PTPRA: variants seen among roughly 807,000 people sequenced by gnomAD.
PTPRA encodes receptor-type tyrosine-protein phosphatase alpha.
PTPRA carries 25 observed loss-of-function variants against 104.8 expected under a neutral mutation model. That is an observed-to-expected ratio of 0.24 (90% CI 0.17 to 0.33). The LOEUF (loss-of-function observed/expected upper bound fraction) is 0.33, where lower values mean the gene tolerates loss of function less well. Among genes scored for constraint, PTPRA ranks in the 10% least tolerant of loss-of-function variants. PTPRA has a pLI of 1.00. For synonymous variants in PTPRA, 323 were observed against 368.9 expected (o/e 0.88, Z 1.43); for missense variants, 765 against 1,015.3 (o/e 0.75, Z 3.35).
At chr20:3,016,579 C>T (rs1464526245) in intron 12 of PTPRA, among the ~76,000 whole-genome samples, 3 of 152,188 alleles carry the variant, frequency 2.0e-5, no homozygotes, top group Non-Finnish European at 4.4e-5. Flanking sequence ...GAAACCCCGT[C>T]TCTACTAAAA....
At chr20:3,030,430 C>G (rs2148489175) in intron 20 of PTPRA, among the ~76,000 whole-genome samples, 1 of 152,254 alleles carries the variant, frequency 6.6e-6, no homozygotes, top group East Asian at 1.9e-4. Context: ...ATGTTCTTTA[C>G]AAGGCCTCAC....
chr20:2,896,876 G>C (rs1229934090), intron 1 of PTPRA, among the ~76,000 whole-genome samples: 1 of 152,190 alleles, frequency 6.6e-6, no homozygotes, highest in Non-Finnish European at 1.5e-5. Context: ...TGTCATGTCT[G>C]TTCAGTCTCT....
intron 1 of PTPRA, among the ~76,000 whole-genome samples, chr20:2,879,064 G>A (rs902644587): frequency 1.3e-5 from 2 of 152,208 alleles, no homozygotes; most frequent in African/African-American, 4.8e-5. Context: ...TAGATGTGAT[G>A]TCTGTCCTCA....
At position 3,035,864 on chromosome 20, in the gene PTPRA, G is replaced by A. The variant is rs777257290; in HGVS notation, c.2121G>A (p.Lys707=). Residue 707 remains lysine (K), a synonymous_variant, in exon 22 of 24, where the codon AAG becomes AAA. Transcript: ENST00000399903. This position sits in a 1 kb window ranked among gnomAD's most constrained non-coding sequence, Gnocchi z 5.8. ...WPEVGIPSDG[K]GMISIIAAVQ... ...AAGTGGGCATCCCCAGTGACGGAAAGGGCATGATCAGCATCATCGCCGCCG... is the reference window on the plus strand; with the variant it reads ...AAGTGGGCATCCCCAGTGACGGAAAAGGCATGATCAGCATCATCGCCGCCG... 4.3e-6 allele frequency: 7 copies of A among 1,614,182 alleles called. No homozygotes were observed. Among genetic ancestry groups the A allele is most frequent in the Non-Finnish European group, 5.9e-6 (7 of 1,180,052 alleles).
At chr20:2,914,407 A>G (rs1003189697) in intron 1 of PTPRA, among the ~76,000 whole-genome samples, 7 of 151,856 alleles carry the variant, frequency 4.6e-5, no homozygotes, top group African/African-American at 1.7e-4. Flanking sequence ...ACACAAACAT[A>G]CATCCACACA....
rs564722567 is a variant in PTPRA, at chr20:3,035,474, G to T, written c.1921-111G>T. 1.0e-5 allele frequency: 13 copies of T among 1,263,586 alleles called. No homozygotes were observed. The highest frequency in any genetic ancestry group is 4.5e-5 in the African/African-American group (3 of 66,868). 78.3% of individuals were successfully genotyped at this position (1,263,586 alleles called of 1,614,324 possible). A position where few individuals can be genotyped will look rare whatever the true frequency, so the allele number is the denominator to read the frequency against. On this transcript the variant is annotated intron_variant, in intron 20 of 23. Coordinates refer to ENST00000399903, the MANE Select transcript of PTPRA (RefSeq NM_001385305.1). This position sits in a 1 kb window ranked among gnomAD's most constrained non-coding sequence, Gnocchi z 5.8. ...GTTTTCAATACCTTGGGGACGAAGCGTATCAGCGTAAGAGGTGGCTGTACT... is the reference window on the plus strand; with the variant it reads ...GTTTTCAATACCTTGGGGACGAAGCTTATCAGCGTAAGAGGTGGCTGTACT...
At chr20:2,941,560 A>G (rs2060921979) in intron 2 of PTPRA, among the ~76,000 whole-genome samples, 1 of 152,146 alleles carries the variant, frequency 6.6e-6, no homozygotes, top group African/African-American at 2.4e-5. Flanking sequence ...CAGCTAAATG[A>G]AGTGTTCATT....
intron 6 of PTPRA, among the ~76,000 whole-genome samples, chr20:2,977,260 C>G (rs1021405715): frequency 1.1e-4 from 17 of 148,746 alleles, no homozygotes; most frequent in African/African-American, 4.2e-4. Context: ...AGACTGCACT[C>G]CAGCCTGGGT....
intron 11 of PTPRA, among the ~76,000 whole-genome samples, chr20:3,010,459 T>C (rs530100739): frequency 2.0e-4 from 30 of 151,932 alleles, no homozygotes; most frequent in African/African-American, 7.0e-4. Flanking sequence ...AAACCCCGTC[T>C]CTACTAAAAA....
intron 1 of PTPRA, among the ~76,000 whole-genome samples, chr20:2,874,817 T>C (rs1489967413): frequency 6.6e-6 from 1 of 152,214 alleles, no homozygotes; most frequent in Non-Finnish European, 1.5e-5. Context: ...CAATCTTGCC[T>C]CAATTTACTC....
intron 1 of PTPRA, among the ~76,000 whole-genome samples, chr20:2,886,290 A>G (rs762772414): frequency 2.1e-4 from 32 of 152,162 alleles, no homozygotes; most frequent in Non-Finnish European, 3.7e-4. Flanking sequence ...TCTCTTACAG[A>G]TAGGTACTGA....
chr20:2,926,594 T>C (rs138993738), intron 2 of PTPRA, among the ~76,000 whole-genome samples: 215 of 152,172 alleles, frequency 1.4e-3, no homozygotes, highest in African/African-American at 4.8e-3. Flanking sequence ...TTTTAACATC[T>C]TTTAGGGGAC....
chr20:3,032,998 C>T (rs1252920454), intron 20 of PTPRA, among the ~76,000 whole-genome samples: 2 of 151,838 alleles, frequency 1.3e-5, no homozygotes, highest in Non-Finnish European at 2.9e-5. Flanking sequence ...GTAGCATCAC[C>T]CCACTCACTA....
At chr20:2,959,038 G>T (rs2061649980) in intron 3 of PTPRA, among the ~76,000 whole-genome samples, 1 of 152,062 alleles carries the variant, frequency 6.6e-6, no homozygotes, top group South Asian at 2.1e-4. Context: ...CATTGTATAT[G>T]GGGGGTCGGG....
intron 1 of PTPRA, among the ~76,000 whole-genome samples, chr20:2,899,449 T>G (rs191068962): frequency 1.6e-3 from 222 of 140,132 alleles, no homozygotes; most frequent in Non-Finnish European, 2.4e-3. Flanking sequence ...GATGGGTGAG[T>G]TTTTTTTTTG....
At chr20:2,878,103 A>G (rs1022399294) in intron 1 of PTPRA, among the ~76,000 whole-genome samples, 1 of 152,182 alleles carries the variant, frequency 6.6e-6, no homozygotes, top group African/African-American at 2.4e-5. Context: ...GTGAGCCAAG[A>G]TCTTGCCACT....
chr20:2,997,135 CAT>C (rs11467514), intron 9 of PTPRA, among the ~76,000 whole-genome samples: 15,093 of 151,600 alleles, frequency 0.1, 1,896 homozygotes, highest in African/African-American at 0.29. Context: ...TGTGAGAAAA[CAT>C]ATGTGGGATA....
chr20:2,897,837 G>T (rs1335344978), intron 1 of PTPRA, among the ~76,000 whole-genome samples: 4 of 149,750 alleles, frequency 2.7e-5, no homozygotes, highest in Admixed American at 2.7e-4. Flanking sequence ...TATTCAAATT[G>T]TCCCAAATTT....
chr20:2,939,054 C>T (rs1239796166), intron 2 of PTPRA, among the ~76,000 whole-genome samples: 1 of 152,172 alleles, frequency 6.6e-6, no homozygotes, highest in Admixed American at 6.5e-5. Flanking sequence ...AACACATACC[C>T]TGTCCCACTT....
Sources: gnomAD v4.1 joint callset for allele counts (sites outside exome capture counted in the v4.1 genomes callset) on GRCh38, gnomAD v4.1.1 for gene constraint, Gnocchi (gnomAD v3.1) non-coding constraint, MANE v1.5 for transcripts, NCBI Gene and HGNC (gene_info 2026-07-23, HGNC 2026-07-21) for gene names.